The following NAV3 variants were observed in gnomAD, a reference collection of about 807,000 sequenced individuals.
The protein encoded by NAV3 is pore membrane and/or filament interacting like protein 1.
In NAV3, 87 loss-of-function variants were observed where a neutral mutation model predicts 244.7. That is an observed-to-expected ratio of 0.36 (90% CI 0.30 to 0.42). The LOEUF (loss-of-function observed/expected upper bound fraction) is 0.42, where lower values mean the gene tolerates loss of function less well. Among genes scored for constraint, NAV3 ranks in the 20% least tolerant of loss-of-function variants. The pLI is 1.00. For missense variants in NAV3, 2,663 were observed against 2,893.3 expected (o/e 0.92, Z 1.83); for synonymous variants, 1,126 against 1,042.2 (o/e 1.08, Z -1.55).
At chr12:78,036,009 G>A (rs2137014117) in intron 9 of NAV3, among the ~76,000 whole-genome samples, 1 of 152,200 alleles carries the variant, frequency 6.6e-6, no homozygotes, top group Admixed American at 6.5e-5. Flanking sequence ...TGTCATTCTC[G>A]GCATCGGGGA....
intron 2 of NAV3, among the ~76,000 whole-genome samples, chr12:77,768,184 T>G (rs1203717616): frequency 4.6e-5 from 7 of 152,116 alleles, no homozygotes; most frequent in Non-Finnish European, 8.8e-5. Context: ...TACATGCTGA[T>G]TTGTTCATGG....
chr12:78,154,305 A>ATACTACT (rs1434042891), intron 22 of NAV3, among the ~76,000 whole-genome samples: 1 of 119,614 alleles, frequency 8.4e-6, no homozygotes, highest in African/African-American at 3.0e-5. Context: ...ATTACTATAT[A>ATACTACT]ATATATAGTA....
chr12:77,823,341 G>A (rs1872825774), intron 2 of NAV3, among the ~76,000 whole-genome samples: 1 of 152,190 alleles, frequency 6.6e-6, no homozygotes, highest in African/African-American at 2.4e-5. Flanking sequence ...AGGAGAGAAT[G>A]AGGATGAGCA....
At chr12:77,710,800 T>G (rs1876072427) in intron 2 of NAV3, among the ~76,000 whole-genome samples, 1 of 152,176 alleles carries the variant, frequency 6.6e-6, no homozygotes, top group South Asian at 2.1e-4. Context: ...AGAAAAAAAT[T>G]TAAGTCCTCT....
At chr12:77,652,761 T>C (rs1312229800) in intron 2 of NAV3, among the ~76,000 whole-genome samples, 1 of 152,214 alleles carries the variant, frequency 6.6e-6, no homozygotes, top group Non-Finnish European at 1.5e-5. Context: ...TTTAAAATTA[T>C]AGATTGTTCA....
At position 77,847,035 on chromosome 12, in the gene NAV3, CA is replaced by C. The variant is rs1290534442; in HGVS notation, c.243+15332del. On this transcript the variant is annotated intron_variant, in intron 1 of 39. Coordinates refer to ENST00000397909, the MANE Select transcript of NAV3 (RefSeq NM_001024383.2). ...AATATAATGATATCTTGAGGTACTG[CA>C]GTGAATTTGTTTTTTCTATACCTTC... Among the ~76,000 whole-genome samples, 11 of 152,230 alleles carry C rather than the reference CA, an allele frequency of 7.2e-5. No homozygotes were observed. In the East Asian group the frequency reaches 1.9e-3, roughly 27 times the overall value.
intron 9 of NAV3, among the ~76,000 whole-genome samples, chr12:78,030,087 C>A (rs1344592667): frequency 2.0e-5 from 3 of 152,028 alleles, no homozygotes; most frequent in African/African-American, 4.8e-5. Context: ...GGGTCCCATC[C>A]CCAAGATATC....
intron 2 of NAV3, among the ~76,000 whole-genome samples, chr12:77,778,607 G>A (rs1216174694): frequency 2.9e-5 from 4 of 137,846 alleles, no homozygotes; most frequent in Non-Finnish European, 3.1e-5. Flanking sequence ...GCGAGACTCC[G>A]TCTCAGAAAA....
intron 1 of NAV3, among the ~76,000 whole-genome samples, chr12:77,845,322 G>A (rs1449534410): frequency 2.6e-5 from 4 of 152,162 alleles, no homozygotes; most frequent in Non-Finnish European, 5.9e-5. Context: ...GTCTGGCACT[G>A]CCTTTAGAAG....
At chr12:78,071,970 A>T (rs1566092248) in intron 12 of NAV3, among the ~76,000 whole-genome samples, 1 of 152,208 alleles carries the variant, frequency 6.6e-6, no homozygotes, top group Non-Finnish European at 1.5e-5. Context: ...AGAAATAAAG[A>T]TGTTCTTTGA....
At chr12:78,000,471 C>T (rs950782281) in intron 7 of NAV3, among the ~76,000 whole-genome samples, 2 of 149,342 alleles carry the variant, frequency 1.3e-5, no homozygotes, top group African/African-American at 4.9e-5. Context: ...TAAGAGCAAA[C>T]GAGGTAATAA....
intron 1 of NAV3, among the ~76,000 whole-genome samples, chr12:77,837,453 T>G (rs1874856502): frequency 1.3e-5 from 2 of 152,198 alleles, no homozygotes; most frequent in South Asian, 4.2e-4. Context: ...TGTCAGGTAC[T>G]GGGCCAAACA....
intron 12 of NAV3, among the ~76,000 whole-genome samples, chr12:78,075,790 G>A (rs549397482): frequency 6.6e-6 from 1 of 152,132 alleles, no homozygotes; most frequent in Admixed American, 6.5e-5. Flanking sequence ...TTATTAACCT[G>A]CCATTGATCT....
intron 1 of NAV3, among the ~76,000 whole-genome samples, chr12:77,854,216 A>T (rs2136274574): frequency 6.6e-6 from 1 of 152,304 alleles, no homozygotes; most frequent in African/African-American, 2.4e-5. Context: ...AATAGCCTAC[A>T]TGATGTTTCA....
chr12:78,113,734 T>C (rs1413697555), intron 12 of NAV3, among the ~76,000 whole-genome samples: 1 of 152,190 alleles, frequency 6.6e-6, no homozygotes, highest in Non-Finnish European at 1.5e-5. Flanking sequence ...GGAGACATTT[T>C]CCCTATTGTC....
chr12:78,060,448 T>TGTGTTGGTGTGG, intron 12 of NAV3, among the ~76,000 whole-genome samples: 1 of 151,348 alleles, frequency 6.6e-6, no homozygotes, highest in African/African-American at 2.4e-5. Flanking sequence ...TATACTCTTG[T>TGTGTTGGTGTGG]GTGTGGGTGT....
chr12:77,646,427 C>T (rs1474290809), intron 2 of NAV3, among the ~76,000 whole-genome samples: 2 of 152,100 alleles, frequency 1.3e-5, no homozygotes, highest in Non-Finnish European at 2.9e-5. Context: ...GTGACCCAAA[C>T]CTCCTGTCCT....
At chr12:77,798,944 T>G (rs1003424255) in intron 2 of NAV3, among the ~76,000 whole-genome samples, 6 of 152,212 alleles carry the variant, frequency 3.9e-5, no homozygotes, top group African/African-American at 1.4e-4. Flanking sequence ...AGGAAATAGT[T>G]CTGTGGCTTG....
intron 23 of NAV3, among the ~76,000 whole-genome samples, chr12:78,164,665 G>A (rs1168546481): frequency 1.3e-5 from 2 of 152,048 alleles, no homozygotes; most frequent in Non-Finnish European, 2.9e-5. Flanking sequence ...TTTGAAACTA[G>A]ATGCAATAGG....
Sources: gnomAD v4.1 joint callset for allele counts (sites outside exome capture counted in the v4.1 genomes callset) on GRCh38, gnomAD v4.1.1 for gene constraint, MANE v1.5 for transcripts, NCBI Gene and HGNC (gene_info 2026-07-23, HGNC 2026-07-21) for gene names.